Variants in XKRX observed in about 807,000 individuals in gnomAD.
The protein encoded by XKRX is XK-related protein 2.
XKRX carries 11 observed loss-of-function variants against 22.4 expected under a neutral mutation model. The ratio of observed to expected loss-of-function variants is 0.49; its 90% CI spans 0.31 to 0.81. XKRX has a LOEUF of 0.81. XKRX is among the 40% of genes least tolerant of loss of function. The pLI, the probability that XKRX is intolerant of heterozygous loss-of-function variation, is 0.05. For missense variants in XKRX, 320 were observed against 336.5 expected, an observed-to-expected ratio of 0.95 and a Z score of 0.38; for synonymous variants, 114 against 132.2, an observed-to-expected ratio of 0.86 and a Z score of 0.94.
chrX:100,953,902 CTAAAAAAAA>C, the XKRX span, among the ~76,000 whole-genome samples: 1 of 16,197 alleles, frequency 6.2e-5, no homozygotes, highest in Non-Finnish European at 1.1e-4. Context: ...GAGTGAGACT[CTAAAAAAAA>C]AAAAAAAAAA....
At chrX:100,918,354 C>T (rs2085455654) in intron 2 of XKRX, among the ~76,000 whole-genome samples, 1 of 111,701 alleles carries the variant, frequency 9.0e-6, no homozygotes, top group Admixed American at 9.6e-5. Flanking sequence ...CAGTCCCATC[C>T]TCAAGAGCTG....
At chrX:100,941,421 C>T in the XKRX span, among the ~76,000 whole-genome samples, 2 of 111,013 alleles carry the variant, frequency 1.8e-5, no homozygotes, top group Non-Finnish European at 1.9e-5. Context: ...TGGTGGTGCA[C>T]GCCTATAATC....
At chrX:100,895,505 T>C in the XKRX span, among the ~76,000 whole-genome samples, 1 of 111,652 alleles carries the variant, frequency 9.0e-6, no homozygotes, top group Non-Finnish European at 1.9e-5. Context: ...TCTTCACACT[T>C]AGGTAAAGTC....
chrX:100,924,055 T>G (rs1257191397), intron 1 of XKRX, among the ~76,000 whole-genome samples: 1 of 100,701 alleles, frequency 9.9e-6, no homozygotes, highest in Non-Finnish European at 2.0e-5. Context: ...TTTCACCATG[T>G]TGGCCAGGCT....
chrX:100,888,011 A>T, the XKRX span: 1 of 1,094,421 alleles, frequency 9.1e-7, no homozygotes, highest in Admixed American at 2.2e-5. Flanking sequence ...AACCACTTTG[A>T]CCTCTTTGGC....
chrX:100,893,487 A>G, the XKRX span, among the ~76,000 whole-genome samples: 1 of 111,979 alleles, frequency 8.9e-6, no homozygotes, highest in African/African-American at 3.2e-5. Flanking sequence ...AAAAGAAATC[A>G]TTGTATAAAA....
At chrX:100,946,225 G>GAGTA in the XKRX span, among the ~76,000 whole-genome samples, 1 of 109,970 alleles carries the variant, frequency 9.1e-6, no homozygotes, top group South Asian at 3.9e-4. Flanking sequence ...TGCATGGAAA[G>GAGTA]AGTAAGTAAG....
chrX:100,956,848 G>A, the XKRX span: 25 of 702,436 alleles, frequency 3.6e-5, no homozygotes, highest in Admixed American at 1.1e-4. Flanking sequence ...TTTTGGTAAC[G>A]AAGGACTGTC....
At chrX:100,911,213 A>G (rs1444748364), downstream of XKRX, 1 of 776,501 alleles carries the variant, frequency 1.3e-6, no homozygotes, top group East Asian at 3.1e-5. Context: ...TAAATATGAA[A>G]GACTCATCAG....
chrX:100,936,935 T>G, the XKRX span, among the ~76,000 whole-genome samples: 1 of 106,516 alleles, frequency 9.4e-6, no homozygotes, highest in African/African-American at 3.4e-5. Flanking sequence ...AGCCAAACCA[T>G]GTCAGGTTGT....
upstream of XKRX, among the ~76,000 whole-genome samples, chrX:100,930,988 T>G (rs1023647864): frequency 9.2e-6 from 1 of 108,917 alleles, no homozygotes; most frequent in African/African-American, 3.4e-5. Flanking sequence ...AAAAATTAGC[T>G]GGGCGTGGTG....
In XKRX at chrX:100,921,720, C is replaced by T. The variant is rs2085472990; in HGVS notation, c.604+1073G>A. 2.8e-5 allele frequency among the ~76,000 whole-genome samples: 3 copies of T among 108,777 alleles called. No homozygotes were observed. In the South Asian group the frequency reaches 1.2e-3, roughly 44 times the overall value. 94.5% of individuals were successfully genotyped at this position (108,777 alleles called of 115,157 possible). A position where few individuals can be genotyped will look rare whatever the true frequency, so the allele number is the denominator to read the frequency against. ...TACTCATTTCAGGATCCCTCTTCTA[C>T]AAGTGGGAAATTAGGTCAGTGATTG... is the stretch of plus-strand genomic sequence containing the variant. On this transcript the variant is annotated intron_variant, in intron 2 of 2. Transcript: ENST00000372956.
At chrX:100,908,106 AGTGTGTGT>A in the XKRX span, among the ~76,000 whole-genome samples, 6 of 86,990 alleles carry the variant, frequency 6.9e-5, no homozygotes, top group African/African-American at 2.2e-4. Flanking sequence ...TCATGCATGG[AGTGTGTGT>A]GTGTGTGTGT....
chrX:100,948,357 C>T, the XKRX span, among the ~76,000 whole-genome samples: 1 of 111,558 alleles, frequency 9.0e-6, no homozygotes, highest in Non-Finnish European at 1.9e-5. Flanking sequence ...ACTACTCCTC[C>T]CTCTTAAAAT....
At chrX:100,899,414 T>C in the XKRX span, among the ~76,000 whole-genome samples, 12 of 110,976 alleles carry the variant, frequency 1.1e-4, no homozygotes, top group Non-Finnish European at 1.9e-4. Context: ...TCTTGAGAGG[T>C]TGAGGGGGGA....
At chrX:100,929,710 C>G, upstream of XKRX, among the ~76,000 whole-genome samples, 1 of 111,378 alleles carries the variant, frequency 9.0e-6, no homozygotes, top group East Asian at 2.8e-4. Context: ...ATATTTTATG[C>G]CTTGATTTCT....
chrX:100,911,241 TCAAGAAAGCC>T (rs2085405989), downstream of XKRX: 1 of 1,025,695 alleles, frequency 9.7e-7, no homozygotes, highest in African/African-American at 1.9e-5. Context: ...GGCTTGCATT[TCAAGAAAGCC>T]CATGTAACAC....
the XKRX span, among the ~76,000 whole-genome samples, chrX:100,942,949 C>A: frequency 4.5e-5 from 5 of 111,714 alleles, no homozygotes; most frequent in East Asian, 2.8e-4. Flanking sequence ...TCCACTCCCC[C>A]CAAACTCACC....
intron 2 of XKRX, among the ~76,000 whole-genome samples, chrX:100,920,114 G>C (rs1217675861): frequency 9.1e-6 from 1 of 110,281 alleles, no homozygotes; most frequent in African/African-American, 3.3e-5. Context: ...AACTAAAGCT[G>C]TCCTGAGAAG....
Sources: allele counts gnomAD v4.1 joint callset (sites outside exome capture counted in the v4.1 genomes callset), GRCh38; gene constraint gnomAD v4.1.1; transcripts MANE v1.5; gene names NCBI Gene and HGNC (gene_info 2026-07-23, HGNC 2026-07-21).